Variants in LCORL observed in about 807,000 individuals in gnomAD.
LCORL encodes the protein ligand dependent nuclear receptor corepressor like.
A neutral mutation model predicts 141.8 loss-of-function variants in LCORL; 41 were observed. That is an observed-to-expected ratio of 0.29 (90% CI 0.23 to 0.38). The LOEUF (loss-of-function observed/expected upper bound fraction) is 0.38. Ranked by LOEUF, LCORL falls within the 10% of genes least tolerant of loss-of-function variation. The probability of loss-of-function intolerance (pLI) is 1.00; values close to 1 mark genes in which losing one functional copy is unlikely to be tolerated. For synonymous variants in LCORL, 618 were observed against 694.1 expected, an observed-to-expected ratio of 0.89 and a Z score of 1.72; for missense variants, 1,759 against 2,035.0, an observed-to-expected ratio of 0.86 and a Z score of 2.61.
rs1458609251 is a variant in LCORL at position 18,021,831 on chromosome 4, C to G, written c.-80G>C. The G allele has an allele frequency of 7.2e-7, 1 of 1,391,818 alleles. No individual in the cohort carries two copies. Among genetic ancestry groups the G allele is most frequent in the Non-Finnish European group, 9.3e-7 (1 of 1,079,774 alleles). 86.2% of individuals were successfully genotyped at this position (1,391,818 alleles called of 1,614,324 possible). Reference sequence around the variant, plus strand: ...AGGGGCGCGAGCCCTCGGCGCGAGCCCCGGAGCGCGCGCCCCCCGGAGGGG... The same window carrying G: ...AGGGGCGCGAGCCCTCGGCGCGAGCGCCGGAGCGCGCGCCCCCCGGAGGGG... On this transcript the variant is annotated 5_prime_UTR_variant, in exon 1 of 8. Transcript: ENST00000635767. The surrounding 1 kb of genome is among the most constrained non-coding windows in gnomAD (Gnocchi z 5.5).
intron 5 of LCORL, among the ~76,000 whole-genome samples, chr4:17,888,559 C>T (rs1189765057): frequency 6.6e-6 from 1 of 152,090 alleles, no homozygotes; most frequent in Admixed American, 6.6e-5. Context: ...ACTCAGATCC[C>T]CTGCCCAGGC....
intron 1 of LCORL, among the ~76,000 whole-genome samples, chr4:17,998,831 T>C (rs1721326473): frequency 6.6e-6 from 1 of 150,712 alleles, no homozygotes; most frequent in Non-Finnish European, 1.5e-5. Flanking sequence ...CAGGCATGGT[T>C]GTGCACATCG....
chr4:17,844,918 G>A (rs1394473728), exon 8 of LCORL: 1 of 152,048 alleles, frequency 6.6e-6, no homozygotes, highest in African/African-American at 2.4e-5. Flanking sequence ...AGCCATTGCT[G>A]AAACTGTGCT....
At chr4:17,989,232 T>C (rs1158247806) in intron 1 of LCORL, among the ~76,000 whole-genome samples, 2 of 152,240 alleles carry the variant, frequency 1.3e-5, no homozygotes, top group Admixed American at 1.3e-4. Flanking sequence ...CTGGTAATAA[T>C]GAGCATCCCT....
intron 5 of LCORL, among the ~76,000 whole-genome samples, chr4:17,906,747 C>T (rs111493347): frequency 0.034 from 5,054 of 146,722 alleles, 105 homozygotes; most frequent in African/African-American, 0.059. Context: ...AATGCAGTGG[C>T]GCGATCTTGG....
chr4:17,847,655 A>G (rs1723091517), intron 7 of LCORL, among the ~76,000 whole-genome samples: 1 of 152,222 alleles, frequency 6.6e-6, no homozygotes, highest in Non-Finnish European at 1.5e-5. Context: ...CAGTATTTTC[A>G]TACATATTAG....
chr4:17,950,654 C>T (rs1417617778), intron 4 of LCORL, among the ~76,000 whole-genome samples: 1 of 152,100 alleles, frequency 6.6e-6, no homozygotes, highest in African/African-American at 2.4e-5. Flanking sequence ...AAGCAAAAGT[C>T]TTACATCTTG....
At chr4:17,985,155 T>A (rs1464717777) in intron 1 of LCORL, among the ~76,000 whole-genome samples, 1 of 152,178 alleles carries the variant, frequency 6.6e-6, no homozygotes, top group African/African-American at 2.4e-5. Flanking sequence ...TTGGTTCTTC[T>A]GCATTTGCTG....
chr4:17,875,341 C>A, exon 7 of LCORL: 2 of 1,231,432 alleles, frequency 1.6e-6, no homozygotes, highest in Non-Finnish European at 2.0e-6. Context: ...ATGGGTCTCA[C>A]ATATTCAAAG....
chr4:17,937,368 C>T (rs1213084415), intron 4 of LCORL, among the ~76,000 whole-genome samples: 1 of 152,096 alleles, frequency 6.6e-6, no homozygotes, highest in African/African-American at 2.4e-5. Context: ...TGTTATCTTC[C>T]ACAACCATTG....
At chr4:17,901,395 AAAC>A (rs989136160) in intron 5 of LCORL, among the ~76,000 whole-genome samples, 31 of 152,166 alleles carry the variant, frequency 2.0e-4, no homozygotes, top group Non-Finnish European at 3.4e-4. Context: ...ATAAAAAAAA[AAAC>A]AACAAAATCC....
intron 1 of LCORL, among the ~76,000 whole-genome samples, chr4:17,997,755 T>A (rs529822184): frequency 6.7e-6 from 1 of 149,002 alleles, no homozygotes; most frequent in African/African-American, 2.6e-5. Flanking sequence ...AAGAGGATGG[T>A]AGAAGGTATA....
At chr4:17,879,291 T>TTGA (rs1316168834) in intron 6 of LCORL, among the ~76,000 whole-genome samples, 4 of 151,084 alleles carry the variant, frequency 2.6e-5, no homozygotes, top group East Asian at 1.9e-4. Context: ...TCAGAGGTAA[T>TTGA]ATTTCACTTA....
intron 4 of LCORL, among the ~76,000 whole-genome samples, chr4:17,957,958 C>A (rs13151431): frequency 0.24 from 36,102 of 151,718 alleles, 5,473 homozygotes; most frequent in African/African-American, 0.43. Context: ...GAGAAAAGCA[C>A]TCTAAAAGAT....
intron 1 of LCORL, among the ~76,000 whole-genome samples, chr4:18,014,972 C>T (rs1439554180): frequency 6.6e-6 from 1 of 151,956 alleles, no homozygotes; most frequent in African/African-American, 2.4e-5. Flanking sequence ...GCCATGAATG[C>T]TAGTTATATA....
At chr4:17,903,301 C>T (rs556883585) in intron 5 of LCORL, among the ~76,000 whole-genome samples, 39 of 152,094 alleles carry the variant, frequency 2.6e-4, no homozygotes, top group African/African-American at 8.9e-4. Flanking sequence ...GAATATTCAT[C>T]GGATCTTATG....
intron 4 of LCORL, among the ~76,000 whole-genome samples, chr4:17,927,084 G>C (rs1735265835): frequency 6.6e-6 from 1 of 152,200 alleles, no homozygotes; most frequent in African/African-American, 2.4e-5. Flanking sequence ...CTTCATCAAA[G>C]ACCTTAGCTA....
At chr4:17,914,745 C>T (rs1733125831) in intron 4 of LCORL, among the ~76,000 whole-genome samples, 1 of 152,176 alleles carries the variant, frequency 6.6e-6, no homozygotes, top group Non-Finnish European at 1.5e-5. Flanking sequence ...AAGAATGTTG[C>T]CACCCGGAAA....
chr4:17,995,448 A>G (rs1720766747), intron 1 of LCORL, among the ~76,000 whole-genome samples: 1 of 152,160 alleles, frequency 6.6e-6, no homozygotes, highest in Admixed American at 6.6e-5. Flanking sequence ...TCACCGGCCC[A>G]AAATGTCAAT....
Sources: gnomAD v4.1 joint callset for allele counts (sites outside exome capture counted in the v4.1 genomes callset) on GRCh38, gnomAD v4.1.1 for gene constraint, Gnocchi (gnomAD v3.1) non-coding constraint, MANE v1.5 for transcripts, NCBI Gene and HGNC (gene_info 2026-07-23, HGNC 2026-07-21) for gene names.